The following AGBL4 variants were observed in gnomAD, a reference collection of about 807,000 sequenced individuals.
AGBL4 encodes the protein cytosolic carboxypeptidase 6.
AGBL4 carries 58 observed loss-of-function variants against 66.4 expected under a neutral mutation model. The observed-to-expected ratio is 0.87, with a 90% confidence interval of 0.71 to 1.09. The LOEUF is 1.09. AGBL4 is among the 50% of genes least tolerant of loss of function. The pLI, the probability that AGBL4 is intolerant of heterozygous loss-of-function variation, is 0.00. For missense variants in AGBL4, 579 were observed against 631.0 expected (o/e 0.92, Z 0.88); for synonymous variants, 234 against 222.9 (o/e 1.05, Z -0.44).
At position 48,705,664 on chromosome 1, in the gene AGBL4, T is replaced by A. The variant is rs147293268; in HGVS notation, c.635-42423A>T. 4.7e-4 allele frequency among the ~76,000 whole-genome samples: 72 copies of A among 152,356 alleles called. 1 individual carries two copies. The East Asian group carries it at 0.014, about 29-fold the overall frequency. On this transcript the variant is annotated intron_variant, in intron 6 of 13. Coordinates refer to ENST00000371839, the MANE Select transcript of AGBL4 (RefSeq NM_032785.4). ...GAGCACAACTTCTTAAACATTACCTTCTTCTGCATCTCAGGCAAAATTACA... is the reference window on the plus strand; with the variant it reads ...GAGCACAACTTCTTAAACATTACCTACTTCTGCATCTCAGGCAAAATTACA...
At chr1:49,791,684 G>C (rs1644602366) in intron 2 of AGBL4, among the ~76,000 whole-genome samples, 1 of 151,952 alleles carries the variant, frequency 6.6e-6, no homozygotes, top group Non-Finnish European at 1.5e-5. Context: ...CTCCATCCCT[G>C]CCTTCTCACA....
intron 4 of AGBL4, among the ~76,000 whole-genome samples, chr1:49,185,913 A>G (rs1170960800): frequency 6.6e-6 from 1 of 152,026 alleles, no homozygotes; most frequent in African/African-American, 2.4e-5. Context: ...TGCCCAGGTG[A>G]CCAGCCAATT....
At chr1:49,399,380 G>A (rs763492680) in intron 3 of AGBL4, among the ~76,000 whole-genome samples, 3 of 152,018 alleles carry the variant, frequency 2.0e-5, no homozygotes, top group Admixed American at 6.6e-5. Flanking sequence ...TTGCTGGATC[G>A]TATGATAACT....
At chr1:49,988,523 T>C (rs976935892) in intron 1 of AGBL4, among the ~76,000 whole-genome samples, 10 of 152,108 alleles carry the variant, frequency 6.6e-5, no homozygotes, top group Middle Eastern at 3.2e-3. Flanking sequence ...TATGTTCAAG[T>C]CAACTTTTTT....
intron 4 of AGBL4, chr1:49,174,939 C>T (rs998018446): frequency 1.3e-5 from 2 of 151,862 alleles, no homozygotes; most frequent in African/African-American, 2.4e-5. Flanking sequence ...AGAGAGAAAA[C>T]GTTATAAAAT....
chr1:48,580,455 C>T (rs72679375), intron 11 of AGBL4, among the ~76,000 whole-genome samples: 8,384 of 152,284 alleles, frequency 0.055, 302 homozygotes, highest in Middle Eastern at 0.082. Flanking sequence ...GACCCTAACC[C>T]CTTGGTCACA....
intron 3 of AGBL4, among the ~76,000 whole-genome samples, chr1:49,644,728 A>C (rs1645851436): frequency 6.6e-6 from 1 of 151,576 alleles, no homozygotes; most frequent in Non-Finnish European, 1.5e-5. Context: ...AAAATCAGGA[A>C]GGATGCAGAA....
intron 1 of AGBL4, among the ~76,000 whole-genome samples, chr1:49,873,712 T>C (rs1300529380): frequency 1.3e-5 from 2 of 152,080 alleles, no homozygotes; most frequent in African/African-American, 2.4e-5. Context: ...CCTTTAAATA[T>C]TGAAGCCCTC....
intron 6 of AGBL4, among the ~76,000 whole-genome samples, chr1:48,844,775 A>T (rs1005403326): frequency 4.6e-5 from 7 of 152,180 alleles, no homozygotes; most frequent in African/African-American, 1.7e-4. Context: ...AGTGACCCTT[A>T]TCACACAGTA....
chr1:49,748,858 G>A (rs563453330), intron 2 of AGBL4, among the ~76,000 whole-genome samples: 1 of 152,026 alleles, frequency 6.6e-6, no homozygotes, highest in South Asian at 2.1e-4. Flanking sequence ...GGGGCTGTTT[G>A]TTTTTTTCTT....
intron 4 of AGBL4, among the ~76,000 whole-genome samples, chr1:49,133,706 C>T (rs527772754): frequency 5.9e-5 from 9 of 151,884 alleles, no homozygotes; most frequent in South Asian, 2.1e-4. Flanking sequence ...TTCTTTGGTT[C>T]GGTAATATCC....
At chr1:49,129,559 C>G (rs573245319) in intron 4 of AGBL4, among the ~76,000 whole-genome samples, 2 of 150,842 alleles carry the variant, frequency 1.3e-5, no homozygotes, top group Admixed American at 1.3e-4. Context: ...TGAGAACATG[C>G]GGTGTTTGGT....
At chr1:48,990,153 T>C (rs952302139) in intron 5 of AGBL4, among the ~76,000 whole-genome samples, 2 of 152,220 alleles carry the variant, frequency 1.3e-5, no homozygotes, top group Non-Finnish European at 2.9e-5. Context: ...AACCTTTTCA[T>C]ATGCCTCTTG....
chr1:49,083,620 T>C (rs944449625), intron 4 of AGBL4, among the ~76,000 whole-genome samples: 7 of 152,308 alleles, frequency 4.6e-5, no homozygotes. Flanking sequence ...GTTCCCAGGC[T>C]TGTGATAGGA....
At chr1:49,622,825 C>T (rs185183279) in intron 3 of AGBL4, among the ~76,000 whole-genome samples, 1 of 152,174 alleles carries the variant, frequency 6.6e-6, no homozygotes, top group African/African-American at 2.4e-5. Context: ...TTTTGTGCTT[C>T]ATTCCCTTTG....
chr1:49,264,475 T>G (rs904044181), intron 3 of AGBL4, among the ~76,000 whole-genome samples: 1 of 152,170 alleles, frequency 6.6e-6, no homozygotes, highest in Non-Finnish European at 1.5e-5. Context: ...AATTTTTATA[T>G]GTTTGGGTTT....
At chr1:49,780,677 A>T (rs192814907) in intron 2 of AGBL4, among the ~76,000 whole-genome samples, 1 of 152,264 alleles carries the variant, frequency 6.6e-6, no homozygotes, top group Non-Finnish European at 1.5e-5. Flanking sequence ...CTAAATTCTG[A>T]TAAGTAAACA....
intron 2 of AGBL4, among the ~76,000 whole-genome samples, chr1:49,824,404 T>C (rs1295782046): frequency 6.6e-6 from 1 of 152,192 alleles, no homozygotes; most frequent in Non-Finnish European, 1.5e-5. Context: ...TTACTAACAA[T>C]GCTAAGCTCT....
intron 3 of AGBL4, among the ~76,000 whole-genome samples, chr1:49,577,720 G>C (rs1182527788): frequency 2.0e-5 from 3 of 152,198 alleles, no homozygotes; most frequent in African/African-American, 7.2e-5. Flanking sequence ...GTAGGCTCAG[G>C]CTCATGGAAT....
Sources: allele counts gnomAD v4.1 joint callset (sites outside exome capture counted in the v4.1 genomes callset), GRCh38; gene constraint gnomAD v4.1.1; transcripts MANE v1.5; gene names NCBI Gene and HGNC (gene_info 2026-07-23, HGNC 2026-07-21).